Variants in ELAVL2 observed in about 807,000 individuals in gnomAD.
ELAVL2 encodes the protein ELAV like RNA binding protein 2, also known as ELAV-like protein 2.
In ELAVL2, 4 loss-of-function variants were observed where a neutral mutation model predicts 34.6. The observed-to-expected ratio is 0.12, with a 90% CI of 0.06 to 0.26. The LOEUF is 0.26. Among genes scored for constraint, ELAVL2 ranks in the 10% least tolerant of loss-of-function variants. The probability of loss-of-function intolerance (pLI) is 1.00; values close to 1 mark genes in which losing one functional copy is unlikely to be tolerated. For missense variants in ELAVL2, 432 were observed against 442.8 expected, an observed-to-expected ratio of 0.98 and a Z score of 0.22; for synonymous variants, 193 against 154.8, an observed-to-expected ratio of 1.25 and a Z score of -1.83.
At chr9:23,706,872 C>T (rs918408186) in intron 3 of ELAVL2, among the ~76,000 whole-genome samples, 2 of 152,156 alleles carry the variant, frequency 1.3e-5, no homozygotes, top group Non-Finnish European at 2.9e-5. Flanking sequence ...AAAATATAAG[C>T]CACATTTTAT....
chr9:23,796,631 A>G (rs1290801313), intron 1 of ELAVL2, among the ~76,000 whole-genome samples: 4 of 152,232 alleles, frequency 2.6e-5, no homozygotes, highest in African/African-American at 7.2e-5. Flanking sequence ...TATAAGTAAG[A>G]TATCTAGAGT....
At chr9:23,745,548 G>GA (rs963626965) in intron 2 of ELAVL2, among the ~76,000 whole-genome samples, 30 of 151,562 alleles carry the variant, frequency 2.0e-4, no homozygotes, top group African/African-American at 5.1e-4. Context: ...TACTTGCTGG[G>GA]AAAAAAAACA....
chr9:23,777,304 G>A (rs2058365360), intron 1 of ELAVL2, among the ~76,000 whole-genome samples: 2 of 152,124 alleles, frequency 1.3e-5, no homozygotes, highest in African/African-American at 4.8e-5. Context: ...CCATGACCCT[G>A]AACCCAAATT....
intron 5 of ELAVL2, among the ~76,000 whole-genome samples, chr9:23,696,201 C>G (rs903039502): frequency 5.9e-5 from 9 of 152,200 alleles, no homozygotes; most frequent in African/African-American, 2.2e-4. Flanking sequence ...CCAGGCACTG[C>G]TGAAGCCCCC....
intron 5 of ELAVL2, among the ~76,000 whole-genome samples, chr9:23,695,428 G>T (rs1270674755): frequency 0.071 from 1 of 14 alleles, no homozygotes; most frequent in Non-Finnish European, 0.1. Flanking sequence ...CCAAGCATAC[G>T]GCCCAGAGAC....
At chr9:23,802,981 G>A (rs915494840) in intron 1 of ELAVL2, among the ~76,000 whole-genome samples, 1 of 152,016 alleles carries the variant, frequency 6.6e-6, no homozygotes, top group Non-Finnish European at 1.5e-5. Flanking sequence ...AGGTCCTGGG[G>A]TCCTCAATAA....
At position 23,691,230 on chromosome 9, in the gene ELAVL2, C is replaced by T. The variant is rs2033072380; in HGVS notation, c.*1327G>A. 1 of 152,484 alleles carries T rather than the reference C, an allele frequency of 6.6e-6. No individual in the cohort carries two copies. Among genetic ancestry groups the T allele is most frequent in the South Asian group, 2.1e-4 (1 of 4,826 alleles). 9.4% of individuals were successfully genotyped at this position (152,484 alleles called of 1,614,324 possible). The stretch of plus-strand genomic sequence containing the variant: ...AAAACTGATACAAAAACATTCAAAA[C>T]CTGAACATCACTTGGCATGTAAGGG... On this transcript the variant is annotated 3_prime_UTR_variant, in exon 7 of 7. Coordinates refer to ENST00000397312, the MANE Select transcript of ELAVL2 (RefSeq NM_004432.5).
At chr9:23,796,407 A>C (rs1238366145) in intron 1 of ELAVL2, among the ~76,000 whole-genome samples, 1 of 152,250 alleles carries the variant, frequency 6.6e-6, no homozygotes, top group Non-Finnish European at 1.5e-5. Flanking sequence ...GACATCACAT[A>C]AAAGGACTCT....
chr9:23,822,947 G>A (rs1041597097), intron 1 of ELAVL2, among the ~76,000 whole-genome samples: 1 of 152,184 alleles, frequency 6.6e-6, no homozygotes, highest in Non-Finnish European at 1.5e-5. Flanking sequence ...GGAAGGGAGG[G>A]GACTCGTCTA....
intron 4 of ELAVL2, 113 bp from the exon 5 acceptor site, chr9:23,701,717 T>C: frequency 9.1e-7 from 1 of 1,098,132 alleles, no homozygotes; most frequent in Non-Finnish European, 1.3e-6. Context: ...CACCTACATA[T>C]AACATTTCCC....
At chr9:23,750,019 G>A (rs1317635706) in intron 2 of ELAVL2, among the ~76,000 whole-genome samples, 1 of 132,448 alleles carries the variant, frequency 7.6e-6, no homozygotes, top group Non-Finnish European at 1.6e-5. Flanking sequence ...CAAGGGTACT[G>A]TCTTAAAAAA....
intron 1 of ELAVL2, among the ~76,000 whole-genome samples, chr9:23,808,323 A>C (rs2062518749): frequency 6.6e-6 from 1 of 152,116 alleles, no homozygotes; most frequent in African/African-American, 2.4e-5. Flanking sequence ...ATAAACTCTA[A>C]GTTTCATATC....
At chr9:23,759,484 T>C (rs1017769202) in intron 2 of ELAVL2, among the ~76,000 whole-genome samples, 1 of 151,658 alleles carries the variant, frequency 6.6e-6, no homozygotes, top group African/African-American at 2.4e-5. Context: ...TGGTGTGCTA[T>C]TCCACAGAAG....
intron 1 of ELAVL2, among the ~76,000 whole-genome samples, chr9:23,819,312 T>G (rs758872637): frequency 6.6e-6 from 1 of 152,114 alleles, no homozygotes; most frequent in Admixed American, 6.6e-5. Context: ...TTTTCTCTTG[T>G]GAAGAGGCGG....
At chr9:23,820,241 G>C (rs1357056449) in intron 1 of ELAVL2, among the ~76,000 whole-genome samples, 1 of 152,174 alleles carries the variant, frequency 6.6e-6, no homozygotes, top group Non-Finnish European at 1.5e-5. Flanking sequence ...ATTGATATTC[G>C]AATGGTTTTA....
intron 1 of ELAVL2, among the ~76,000 whole-genome samples, chr9:23,790,232 T>C (rs1427664837): frequency 6.6e-6 from 1 of 152,116 alleles, no homozygotes; most frequent in African/African-American, 2.4e-5. Context: ...ACAGAAAATC[T>C]TGAAATTAAA....
intron 2 of ELAVL2, among the ~76,000 whole-genome samples, chr9:23,761,380 A>G (rs1417022292): frequency 6.6e-6 from 1 of 152,030 alleles, no homozygotes; most frequent in Non-Finnish European, 1.5e-5. Flanking sequence ...AATTTAGTCA[A>G]ATCTTAAAAA....
intron 5 of ELAVL2, among the ~76,000 whole-genome samples, chr9:23,694,036 G>T (rs2034219866): frequency 6.6e-6 from 1 of 152,104 alleles, no homozygotes; most frequent in Non-Finnish European, 1.5e-5. Context: ...TATAATTACA[G>T]GTAGAAAAAA....
In ELAVL2 at chr9:23,762,218, G is replaced by C. The variant is rs1396032042; in HGVS notation, c.17C>G (p.Ser6Cys). 2 of 1,613,378 alleles carry C rather than the reference G, an allele frequency of 1.2e-6. No homozygotes were observed. Among genetic ancestry groups the C allele is most frequent in the Non-Finnish European group, 1.7e-6 (2 of 1,179,602 alleles). METQLSNGPTCNNTAN... is the reference protein window; with the variant it reads METQLCNGPTCNNTAN... Reference sequence around the variant, plus strand: ...TGTGTTATTGCAAGTTGGCCCATTAGACAGTTGTGTTTCCATGGCAGCAAT... The same window carrying C: ...TGTGTTATTGCAAGTTGGCCCATTACACAGTTGTGTTTCCATGGCAGCAAT... Residue 6 changes from serine (S) to cysteine (C), a missense_variant, in exon 2 of 7, where the codon TCT becomes TGT. This residue lies in a region of ELAVL2 where 132 missense variants were observed against 118.3 expected (regional missense o/e 1.12). Transcript: ENST00000397312.
Sources: gnomAD v4.1 joint callset for allele counts (sites outside exome capture counted in the v4.1 genomes callset) on GRCh38, gnomAD v4.1.1 for gene constraint, gnomAD v4.1.1 regional missense constraint, MANE v1.5 for transcripts, NCBI Gene and HGNC (gene_info 2026-07-23, HGNC 2026-07-21) for gene names.